Variants in STK32B observed in about 807,000 individuals in gnomAD.
The protein encoded by STK32B is serine/threonine kinase 32B.
In STK32B, 43 loss-of-function variants were observed where a neutral mutation model predicts 52.6. The observed-to-expected ratio is 0.82, with a 90% CI of 0.64 to 1.05. The LOEUF (loss-of-function observed/expected upper bound fraction) is 1.05, where lower values mean the gene tolerates loss of function less well. Ranked by LOEUF, STK32B falls within the 50% of genes least tolerant of loss-of-function variation. The pLI is 0.00. For synonymous variants in STK32B, 238 were observed against 204.3 expected, an observed-to-expected ratio of 1.17 and a Z score of -1.41; for missense variants, 621 against 534.6, an observed-to-expected ratio of 1.16 and a Z score of -1.59.
chr4:5,020,498 G>T, the STK32B span, among the ~76,000 whole-genome samples: 1 of 152,172 alleles, frequency 6.6e-6, no homozygotes, highest in African/African-American at 2.4e-5. Flanking sequence ...TGTGAGGTAG[G>T]TGCCACAGAA....
intron 5 of STK32B, among the ~76,000 whole-genome samples, chr4:5,403,814 G>T (rs905368487): frequency 1.1e-4 from 17 of 152,046 alleles, no homozygotes; most frequent in African/African-American, 4.1e-4. Flanking sequence ...ATCAGATTTG[G>T]GGACTGTAGC....
intron 4 of STK32B, among the ~76,000 whole-genome samples, chr4:5,387,831 G>A (rs1467529363): frequency 2.6e-5 from 4 of 152,106 alleles, no homozygotes; most frequent in East Asian, 1.9e-4. Context: ...CGCAACCTCC[G>A]CCTCCTGGGT....
intron 4 of STK32B, among the ~76,000 whole-genome samples, chr4:5,392,110 G>C (rs1736626387): frequency 6.6e-6 from 1 of 152,186 alleles, no homozygotes; most frequent in African/African-American, 2.4e-5. Flanking sequence ...TAAATGATAA[G>C]TTTCCTGAAA....
rs866280419 is a variant in STK32B, at chr4:5,244,116, G to C, written c.260+75666G>C. Among the ~76,000 whole-genome samples the C allele has an allele frequency of 1.8e-4, 28 of 152,172 alleles. 1 individual carries two copies. Among genetic ancestry groups the C allele is most frequent in the East Asian group, 1.2e-3 (6 of 5,184 alleles). Reference sequence around the variant, plus strand: ...CATAAAATGAGTTAGGGAGGATTCTGTCTTTTTCTATTGATTGGAATAGTT... The same window carrying C: ...CATAAAATGAGTTAGGGAGGATTCTCTCTTTTTCTATTGATTGGAATAGTT... On this transcript the variant is annotated intron_variant, in intron 3 of 11. Transcript: ENST00000282908.
chr4:5,175,216 C>G (rs1347175497), intron 3 of STK32B, among the ~76,000 whole-genome samples: 1 of 151,266 alleles, frequency 6.6e-6, no homozygotes, highest in African/African-American at 2.4e-5. Flanking sequence ...TTTTTTTTTT[C>G]AAGTTTTTTA....
At chr4:5,383,407 G>A (rs1448909129) in intron 4 of STK32B, among the ~76,000 whole-genome samples, 1 of 152,208 alleles carries the variant, frequency 6.6e-6, no homozygotes, top group Non-Finnish European at 1.5e-5. Context: ...GGAGCTTCAT[G>A]TTTTAATGAG....
At chr4:5,349,076 C>G (rs543419031) in intron 4 of STK32B, among the ~76,000 whole-genome samples, 22,290 of 152,052 alleles carry the variant, frequency 0.15, 2,264 homozygotes, top group African/African-American at 0.28. Context: ...ACCCATCATT[C>G]ATGTCATGCC....
chr4:5,440,313 C>T (rs1163924965), intron 6 of STK32B, among the ~76,000 whole-genome samples: 3 of 152,116 alleles, frequency 2.0e-5, no homozygotes, highest in Non-Finnish European at 4.4e-5. Context: ...TTGAAGAGGT[C>T]CTACACATCC....
At chr4:5,125,427 C>G (rs1010514686) in intron 1 of STK32B, among the ~76,000 whole-genome samples, 2 of 152,236 alleles carry the variant, frequency 1.3e-5, no homozygotes, top group African/African-American at 2.4e-5. Context: ...CTCCAGCCCC[C>G]CTCCCTGAGC....
chr4:5,461,731 G>T (rs1051947720), intron 9 of STK32B, among the ~76,000 whole-genome samples: 1 of 152,196 alleles, frequency 6.6e-6, no homozygotes, highest in Non-Finnish European at 1.5e-5. Flanking sequence ...ACAGGCTATG[G>T]AATGGCAGGT....
intron 3 of STK32B, among the ~76,000 whole-genome samples, chr4:5,322,340 G>T (rs990704137): frequency 2.0e-5 from 3 of 152,100 alleles, no homozygotes; most frequent in Non-Finnish European, 2.9e-5. Flanking sequence ...TCTCTTGCTG[G>T]CTGTTACATT....
At chr4:5,483,817 C>A (rs1179496951) in intron 11 of STK32B, among the ~76,000 whole-genome samples, 1 of 152,104 alleles carries the variant, frequency 6.6e-6, no homozygotes, top group East Asian at 1.9e-4. Flanking sequence ...CAAAGAACAT[C>A]TTTATTTCTG....
At chr4:5,116,571 G>A (rs1399206788) in intron 1 of STK32B, among the ~76,000 whole-genome samples, 1 of 152,148 alleles carries the variant, frequency 6.6e-6, no homozygotes, top group Non-Finnish European at 1.5e-5. Context: ...ATCAGGTAGT[G>A]TGATGCCTCC....
rs1737064037 is a variant in STK32B at position 5,398,432 on chromosome 4, T to G, written c.472+188T>G. Among the ~76,000 whole-genome samples, 1 of 152,172 alleles carries G rather than the reference T, an allele frequency of 6.6e-6. No individual in the cohort carries two copies. Among genetic ancestry groups the G allele is most frequent in the Non-Finnish European group, 1.5e-5 (1 of 68,030 alleles). On this transcript the variant is annotated intron_variant, in intron 5 of 11. Transcript: ENST00000282908. The surrounding 1 kb of genome is among the most constrained non-coding windows in gnomAD (Gnocchi z 4.9). ...TGGTCCATGTCCTGCCGTGGTAAGT[T>G]GAATCAAAGTTATTTAAACTGTTCG... is the stretch of plus-strand genomic sequence containing the variant.
the STK32B span, among the ~76,000 whole-genome samples, chr4:5,031,251 C>T: frequency 3.3e-4 from 50 of 152,254 alleles, no homozygotes; most frequent in East Asian, 1.4e-3. Context: ...TAATGCTTGA[C>T]GAAATACCTG....
rs116188315 is a variant in STK32B at position 5,152,663 on chromosome 4, T to C, written c.108+12703T>C. 8.7e-3 allele frequency among the ~76,000 whole-genome samples: 1,321 copies of C among 152,378 alleles called. 10 individuals carry two copies. The highest frequency in any genetic ancestry group is 0.012 in the Non-Finnish European group (838 of 68,040). On this transcript the variant is annotated intron_variant, in intron 2 of 11. Coordinates refer to ENST00000282908, the MANE Select transcript of STK32B (RefSeq NM_018401.3). The stretch of plus-strand genomic sequence containing the variant: ...TAATGCGTGGATACGCAGTTCTCAT[T>C]CGGTGACAGTGGAGGGCTGCCCGTG...
intron 6 of STK32B, among the ~76,000 whole-genome samples, chr4:5,431,239 G>A (rs1713548015): frequency 6.6e-6 from 1 of 152,148 alleles, no homozygotes; most frequent in African/African-American, 2.4e-5. Flanking sequence ...AGTGTGTAGG[G>A]CCAGATCATG....
At chr4:5,273,458 C>G (rs1181799600) in intron 3 of STK32B, among the ~76,000 whole-genome samples, 7 of 80,690 alleles carry the variant, frequency 8.7e-5, no homozygotes, top group Admixed American at 1.4e-4. Context: ...TCTAGAACTA[C>G]AAATACCATT....
At position 5,464,530 on chromosome 4, in the gene STK32B, C is replaced by G. The variant is rs151097916; in HGVS notation, c.910-2173C>G. Among the ~76,000 whole-genome samples the G allele has an allele frequency of 7.2e-5, 11 of 152,322 alleles. No individual in the cohort carries two copies. The East Asian group carries it at 2.1e-3, about 29-fold the overall frequency. The stretch of plus-strand genomic sequence containing the variant: ...GACCTCTCTCTGCCTGAGCCAGACC[C>G]CAGAACAATGGGTGACAATAGAAGG... On this transcript the variant is annotated intron_variant, in intron 9 of 11. Coordinates refer to ENST00000282908, the MANE Select transcript of STK32B (RefSeq NM_018401.3).
Sources: gnomAD v4.1 joint callset for allele counts (sites outside exome capture counted in the v4.1 genomes callset) on GRCh38, gnomAD v4.1.1 for gene constraint, Gnocchi (gnomAD v3.1) non-coding constraint, MANE v1.5 for transcripts, NCBI Gene and HGNC (gene_info 2026-07-23, HGNC 2026-07-21) for gene names.